Variants in MMP15 observed in about 807,000 individuals in gnomAD.
MMP15 encodes the protein matrix metallopeptidase 15.
A neutral mutation model predicts 65.0 loss-of-function variants in MMP15; 36 were observed. The observed-to-expected ratio is 0.55, with a 90% CI of 0.42 to 0.73. The LOEUF (loss-of-function observed/expected upper bound fraction) is 0.73, where lower values mean the gene tolerates loss of function less well. MMP15 is among the 30% of genes least tolerant of loss of function. The probability of loss-of-function intolerance (pLI) is 0.00; values close to 1 mark genes in which losing one functional copy is unlikely to be tolerated. For missense variants in MMP15, 870 were observed against 987.8 expected (o/e 0.88, Z 1.60); for synonymous variants, 428 against 410.2 (o/e 1.04, Z -0.52).
At chr16:58,035,467 C>T (rs1959311829) in intron 1 of MMP15, among the ~76,000 whole-genome samples, 1 of 152,218 alleles carries the variant, frequency 6.6e-6, no homozygotes, top group Non-Finnish European at 1.5e-5. Context: ...GCTGCCTGCC[C>T]CAGGGACAAC....
chr16:58,041,707 C>A lies in MMP15; in HGVS notation c.1001C>A (p.Pro334His). Residue 334 changes from proline (P) to histidine (H), a missense_variant, in exon 6 of 10, where the codon CCT becomes CAT. Pro to His is a moderately conservative substitution (Grantham distance 77, BLOSUM62 -2). Transcript: ENST00000219271. ...PGRPDHRPPR[P>H]PQPPPPGGKP... ...CGGCCTGACCACCGGCCGCCCCGGC[C>A]TCCCCAGCCACCACCCCCAGGTGGG... 1.3e-6 allele frequency: 2 copies of A among 1,584,224 alleles called. No individual in the cohort carries two copies. Among genetic ancestry groups the A allele is most frequent in the Non-Finnish European group, 1.7e-6 (2 of 1,165,252 alleles).
intron 5 of MMP15, 154 bp downstream of exon 5, chr16:58,040,852 G>A (rs1374068674): frequency 2.5e-6 from 3 of 1,193,382 alleles, no homozygotes; most frequent in East Asian, 5.0e-5. Context: ...AATAAATGGT[G>A]GTACTGGAAA....
chr16:58,045,568 C>T lies in MMP15; in HGVS notation c.*122C>T. On this transcript the variant is annotated 3_prime_UTR_variant, in exon 10 of 10. Transcript: ENST00000219271. ...GCCCTCACACACCCTGTCTGCCCCGCCCTCATTATTTATGTCCAGGTGTTT... is the reference window on the plus strand; with the variant it reads ...GCCCTCACACACCCTGTCTGCCCCGTCCTCATTATTTATGTCCAGGTGTTT... The T allele has an allele frequency of 3.9e-6, 3 of 762,270 alleles. No individual in the cohort carries two copies. Among genetic ancestry groups the T allele is most frequent in the Non-Finnish European group, 6.1e-6 (3 of 488,248 alleles). The allele number at this position is 762,270 out of a possible 1,614,324, so 47.2% of individuals were successfully genotyped here.
chr16:58,028,284 C>T (rs1296890457), intron 1 of MMP15, among the ~76,000 whole-genome samples: 2 of 152,232 alleles, frequency 1.3e-5, no homozygotes, highest in Non-Finnish European at 2.9e-5. Context: ...AACCGTGCTC[C>T]TGATCTGGAG....
chr16:58,040,973 C>T, intron 5 of MMP15: 1 of 536,610 alleles, frequency 1.9e-6, no homozygotes, highest in East Asian at 3.4e-5. Context: ...CTCCTCCTCA[C>T]CCTTGGCAGT....
chr16:58,038,782 T>G (rs2142328555), intron 3 of MMP15, among the ~76,000 whole-genome samples: 1 of 152,288 alleles, frequency 6.6e-6, no homozygotes, highest in African/African-American at 2.4e-5. Flanking sequence ...GCTGAGTTCT[T>G]GAGCAAGAAA....
intron 1 of MMP15, among the ~76,000 whole-genome samples, chr16:58,033,587 G>A (rs969918992): frequency 3.9e-5 from 6 of 152,226 alleles, no homozygotes; most frequent in African/African-American, 1.4e-4. Flanking sequence ...CAATAAATAC[G>A]AATGGGATGG....
At position 58,042,058 on chromosome 16, in the gene MMP15, G is replaced by T. The variant is rs41509147; in HGVS notation, c.1165-173G>T. The stretch of plus-strand genomic sequence containing the variant: ...AGCAAGCCCTGGTGCCAGCTCCCCA[G>T]CTCAGGGCTCTGTTTCTGTGCAGCC... On this transcript the variant is annotated intron_variant, in intron 6 of 9. Coordinates refer to ENST00000219271, the MANE Select transcript of MMP15 (RefSeq NM_002428.4). Among the ~76,000 whole-genome samples, 570 of 152,360 alleles carry T rather than the reference G, an allele frequency of 3.7e-3. 1 individual carries two copies. Among genetic ancestry groups the T allele is most frequent in the African/African-American group, 0.013 (550 of 41,590 alleles).
chr16:58,032,310 G>T (rs1959250696), intron 1 of MMP15, among the ~76,000 whole-genome samples: 1 of 152,244 alleles, frequency 6.6e-6, no homozygotes, highest in Non-Finnish European at 1.5e-5. Flanking sequence ...GTCTTCCGTT[G>T]CTGGGAGGCC....
In MMP15 at chr16:58,045,221, G is replaced by T; in HGVS notation, c.1785G>T (p.Gly595=). The change falls in exon 10 of 10, where the codon GGG becomes GGT. Residue 595 remains glycine (G), a synonymous_variant. Transcript: ENST00000219271. ...CGGACAGCGCAGAGGGCGACGTGGG[G>T]GATGGGGATGGGGACTTTGGGGCCG... ...PGADSAEGDV[G]DGDGDFGAGV... The T allele has an allele frequency of 6.3e-7, 1 of 1,598,646 alleles. No homozygotes were observed. The highest frequency in any genetic ancestry group is 8.5e-7 in the Non-Finnish European group (1 of 1,174,002).
At position 58,025,928 on chromosome 16, in the gene MMP15, C is replaced by G. The variant is rs1462735875; in HGVS notation, c.-423C>G. ...CGGGCGCGGCGGCGAGCAGAATCCC[C>G]GTGCAGGAGGCGCGCGCTCCGGGCA... On this transcript the variant is annotated 5_prime_UTR_variant, in exon 1 of 10. Coordinates refer to ENST00000219271, the MANE Select transcript of MMP15 (RefSeq NM_002428.4). 1 of 153,726 alleles carries G rather than the reference C, an allele frequency of 6.5e-6. No homozygotes were observed. The highest frequency in any genetic ancestry group is 1.4e-5 in the Non-Finnish European group (1 of 69,298). The allele number at this position is 153,726 out of a possible 1,614,324, so 9.5% of individuals were successfully genotyped here.
chr16:58,035,132 C>T (rs146493538), intron 1 of MMP15, among the ~76,000 whole-genome samples: 227 of 152,352 alleles, frequency 1.5e-3, no homozygotes, highest in African/African-American at 5.3e-3. Flanking sequence ...ATCATGGCCT[C>T]GCCTTCTAGA....
chr16:58,029,130 C>T (rs1476594286), intron 1 of MMP15, among the ~76,000 whole-genome samples: 1 of 152,238 alleles, frequency 6.6e-6, no homozygotes, highest in Non-Finnish European at 1.5e-5. Flanking sequence ...CCCGCCTTTC[C>T]TCAACAGGCC....
chr16:58,045,466 A>G lies in MMP15; in HGVS notation c.*20A>G. On this transcript the variant is annotated 3_prime_UTR_variant, in exon 10 of 10. Coordinates refer to ENST00000219271, the MANE Select transcript of MMP15 (RefSeq NM_002428.4). The stretch of plus-strand genomic sequence containing the variant: ...GTCTGACCACCCAGCGCTCCTGCTA[A>G]CGGTGCTCAGGGGGCGCCTGTGGTT... 6.7e-7 allele frequency: 1 copy of G among 1,492,274 alleles called. No homozygotes were observed. The highest frequency in any genetic ancestry group is 8.9e-7 in the Non-Finnish European group (1 of 1,119,418). 92.4% of individuals were successfully genotyped at this position (1,492,274 alleles called of 1,614,324 possible). A position where few individuals can be genotyped will look rare whatever the true frequency, so the allele number is the denominator to read the frequency against.
chr16:58,032,341 A>T (rs895595771), intron 1 of MMP15, among the ~76,000 whole-genome samples: 1 of 152,244 alleles, frequency 6.6e-6, no homozygotes, highest in African/African-American at 2.4e-5. Flanking sequence ...ACTAGCAGTC[A>T]GGACCAAGGG....
intron 1 of MMP15, among the ~76,000 whole-genome samples, chr16:58,027,670 C>T (rs1467179758): frequency 1.3e-5 from 2 of 152,180 alleles, no homozygotes; most frequent in Non-Finnish European, 2.9e-5. Context: ...GGAAGCTTGC[C>T]CTTCCCCGCC....
intron 1 of MMP15, among the ~76,000 whole-genome samples, chr16:58,032,229 T>G (rs1157079973): frequency 6.6e-6 from 1 of 152,176 alleles, no homozygotes; most frequent in East Asian, 1.9e-4. Context: ...CGCTGCTTGG[T>G]GGGTCGGAGT....
chr16:58,038,191 G>A (rs758136921), intron 2 of MMP15, 75 bp from the exon 3 acceptor site: 179 of 1,574,698 alleles, frequency 1.1e-4, no homozygotes, highest in Non-Finnish European at 1.4e-4. Context: ...CGGAAGTGGC[G>A]GAAGTGGCAG....
chr16:58,043,132 C>T (rs894404935), intron 7 of MMP15, 78 bp from the exon 8 acceptor site: 12 of 1,372,138 alleles, frequency 8.7e-6, no homozygotes, highest in Non-Finnish European at 1.2e-5. Flanking sequence ...ATTTTGTGGG[C>T]CCAGAAGAGC....
Sources: allele counts gnomAD v4.1 joint callset (sites outside exome capture counted in the v4.1 genomes callset), GRCh38; gene constraint gnomAD v4.1.1; transcripts MANE v1.5; gene names NCBI Gene and HGNC (gene_info 2026-07-23, HGNC 2026-07-21).